ZUP1: variants seen among roughly 807,000 people sequenced by gnomAD.
ZUP1 encodes zinc finger containing ubiquitin peptidase 1, also known as zinc finger-containing ubiquitin peptidase 1.
Under a neutral mutation model 68.1 loss-of-function variants are expected in ZUP1, and 55 were observed. That is an observed-to-expected ratio of 0.81 (90% CI 0.65 to 1.01). The LOEUF is 1.01. ZUP1 is among the 50% of genes least tolerant of loss of function. The pLI is 0.00. For missense variants in ZUP1, 684 were observed against 674.9 expected (o/e 1.01, Z -0.15); for synonymous variants, 223 against 221.5 (o/e 1.01, Z -0.06).
chr6:116,660,051 T>C (rs1000826004), intron 3 of ZUP1, among the ~76,000 whole-genome samples: 9 of 152,072 alleles, frequency 5.9e-5, no homozygotes, highest in African/African-American at 2.2e-4. Context: ...TAAATAAGAG[T>C]AAGAATTAGC....
rs544120658 is a variant in ZUP1, at chr6:116,639,492, CT to C, written c.1690-3614del. ...GGCCGGGTACTCCTCTGAGACAAAACTTCCAGAGGAACGATCAGACAGCAGC... is the reference window on the plus strand; with the variant it reads ...GGCCGGGTACTCCTCTGAGACAAAACTCCAGAGGAACGATCAGACAGCAGC... On this transcript the variant is annotated intron_variant, in intron 9 of 9. Coordinates refer to ENST00000368576, the MANE Select transcript of ZUP1 (RefSeq NM_145062.3). Among the ~76,000 whole-genome samples, 1,022 of 152,332 alleles carry C rather than the reference CT, an allele frequency of 6.7e-3. 13 individuals carry two copies. Among genetic ancestry groups the C allele is most frequent in the African/African-American group, 0.022 (926 of 41,562 alleles).
chr6:116,667,123 G>A lies in ZUP1; in HGVS notation c.70C>T (p.His24Tyr), dbSNP rs1420425296. The change falls in exon 2 of 10, where the codon CAC becomes TAC. Residue 24 changes from histidine to tyrosine, a missense_variant. Physicochemically the swap from His to Tyr is moderately conservative, Grantham distance 83 (BLOSUM62 2). Transcript: ENST00000368576. ...GGACATATAATTTCACTTTCCATGTGAACAATTAGGTGAGCTTTCATGTCT... is the reference window on the plus strand; with the variant it reads ...GGACATATAATTTCACTTTCCATGTAAACAATTAGGTGAGCTTTCATGTCT... ...EPDMKAHLIVHMESEIICPFC... is the reference protein window; with the variant it reads ...EPDMKAHLIVYMESEIICPFC... 1.9e-6 allele frequency: 3 copies of A among 1,612,922 alleles called. No homozygotes were observed. Among genetic ancestry groups the A allele is most frequent in the Admixed American group, 1.7e-5 (1 of 59,856 alleles).
intron 9 of ZUP1, among the ~76,000 whole-genome samples, chr6:116,639,915 C>T (rs1239119227): frequency 1.3e-5 from 2 of 152,100 alleles, no homozygotes; most frequent in Non-Finnish European, 2.9e-5. Flanking sequence ...ATTCAAACCA[C>T]AGGCAAAGAA....
chr6:116,662,197 T>C (rs1776864291), intron 2 of ZUP1, among the ~76,000 whole-genome samples: 1 of 152,226 alleles, frequency 6.6e-6, no homozygotes, highest in Admixed American at 6.5e-5. Context: ...TGCTGGCGGA[T>C]GTAAGAGAAG....
At chr6:116,643,137 G>C (rs1370054238) in intron 9 of ZUP1, among the ~76,000 whole-genome samples, 1 of 152,122 alleles carries the variant, frequency 6.6e-6, no homozygotes, top group Non-Finnish European at 1.5e-5. Context: ...CAAGGGACGT[G>C]AAGGACCTCT....
At chr6:116,658,677 T>A in intron 4 of ZUP1, 126 bp downstream of exon 4, 1 of 798,464 alleles carries the variant, frequency 1.3e-6, no homozygotes, top group Non-Finnish European at 1.9e-6. Flanking sequence ...TTATAAATGG[T>A]GTCTGTTACA....
At chr6:116,666,337 G>C (rs1474806792) in intron 2 of ZUP1, among the ~76,000 whole-genome samples, 1 of 152,154 alleles carries the variant, frequency 6.6e-6, no homozygotes, top group African/African-American at 2.4e-5. Flanking sequence ...CAAAGTCAGA[G>C]AGTCCAGGAC....
At chr6:116,638,718 G>A (rs1053229250) in intron 9 of ZUP1, among the ~76,000 whole-genome samples, 12 of 152,178 alleles carry the variant, frequency 7.9e-5, no homozygotes, top group African/African-American at 1.7e-4. Context: ...CAAGATGGCC[G>A]AATAGGAACA....
chr6:116,664,636 G>A (rs749921467), intron 2 of ZUP1, among the ~76,000 whole-genome samples: 1 of 152,112 alleles, frequency 6.6e-6, no homozygotes, highest in Non-Finnish European at 1.5e-5. Flanking sequence ...GGGAAAAACT[G>A]TCCTATCTGA....
chr6:116,640,999 C>A (rs1400482524), intron 9 of ZUP1, among the ~76,000 whole-genome samples: 7 of 149,124 alleles, frequency 4.7e-5, no homozygotes, highest in Non-Finnish European at 1.0e-4. Flanking sequence ...GGAAGATCTA[C>A]CAAGCAAATG....
rs1183525944 is a variant in ZUP1, at chr6:116,658,822, T to G, written c.773A>C (p.Glu258Ala). The G allele has an allele frequency of 6.3e-7, 1 of 1,595,482 alleles. No individual in the cohort carries two copies. Residue 258 changes from glutamate to alanine, a missense_variant, in exon 4 of 10, where the codon GAA becomes GCA. Coordinates refer to ENST00000368576, the MANE Select transcript of ZUP1 (RefSeq NM_145062.3). ...TTGTACCTGCAGCTTCTGAAATTCT[T>G]CTATTTCTTGTCTTGATTCTTCAGA... ...RRSEESRQEIEEFQKLQRQYG... is the reference protein window; with the variant it reads ...RRSEESRQEIAEFQKLQRQYG...
chr6:116,647,654 A>G (rs1269056622), intron 7 of ZUP1, 44 bp from the exon 8 acceptor site: 1 of 1,405,202 alleles, frequency 7.1e-7, no homozygotes. Flanking sequence ...GCATTTTAAA[A>G]TATTTTCATC....
At chr6:116,650,741 T>TA (rs2115396622) in intron 7 of ZUP1, among the ~76,000 whole-genome samples, 1 of 152,246 alleles carries the variant, frequency 6.6e-6, no homozygotes, top group African/African-American at 2.4e-5. Flanking sequence ...ACTAAGATCT[T>TA]AGACAACTCA....
intron 6 of ZUP1, 69 bp downstream of exon 6, chr6:116,651,935 T>C: frequency 6.6e-7 from 1 of 1,509,180 alleles, no homozygotes; most frequent in Non-Finnish European, 9.0e-7. Flanking sequence ...ATTAATTGTG[T>C]ATGCTATATC....
chr6:116,647,254 G>A lies in ZUP1; in HGVS notation c.1468+205C>T, dbSNP rs772644640. Among the ~76,000 whole-genome samples, 6 of 152,220 alleles carry A rather than the reference G, an allele frequency of 3.9e-5. No individual in the cohort carries two copies. In the East Asian group the frequency reaches 1.2e-3, roughly 29 times the overall value. On this transcript the variant is annotated intron_variant, in intron 8 of 9. Coordinates refer to ENST00000368576, the MANE Select transcript of ZUP1 (RefSeq NM_145062.3). ...GGCGCCTGTAATCCCAGCTACTCAG[G>A]AGGCTGAGGCAGGAGAATCACTTGA... is the stretch of plus-strand genomic sequence containing the variant.
At chr6:116,640,245 C>A (rs1433535065) in intron 9 of ZUP1, among the ~76,000 whole-genome samples, 8 of 152,026 alleles carry the variant, frequency 5.3e-5, no homozygotes, top group Admixed American at 5.2e-4. Context: ...GAGAATGGAA[C>A]CAAGTTGGAA....
intron 5 of ZUP1, among the ~76,000 whole-genome samples, chr6:116,653,084 C>T (rs551273175): frequency 9.2e-5 from 14 of 152,112 alleles, no homozygotes; most frequent in Non-Finnish European, 1.3e-4. Context: ...AAAATGTCAT[C>T]GACCCCAACT....
At chr6:116,655,297 T>C (rs1434913506) in intron 5 of ZUP1, among the ~76,000 whole-genome samples, 1 of 152,164 alleles carries the variant, frequency 6.6e-6, no homozygotes, top group Non-Finnish European at 1.5e-5. Context: ...TAAGAACCAA[T>C]ATATTTGAGC....
intron 9 of ZUP1, among the ~76,000 whole-genome samples, chr6:116,645,154 C>T (rs202124237): frequency 2.1e-5 from 2 of 94,904 alleles, no homozygotes; most frequent in African/African-American, 6.4e-5. Flanking sequence ...TTAAATTAAA[C>T]ACTTTTATGA....
Sources: gnomAD v4.1 joint callset for allele counts (sites outside exome capture counted in the v4.1 genomes callset) on GRCh38, gnomAD v4.1.1 for gene constraint, MANE v1.5 for transcripts, NCBI Gene and HGNC (gene_info 2026-07-23, HGNC 2026-07-21) for gene names.